MGMT: variants seen among roughly 807,000 people sequenced by gnomAD.
MGMT encodes O-6-methylguanine-DNA methyltransferase, also known as methylated-DNA--protein-cysteine methyltransferase.
Under a neutral mutation model 15.9 loss-of-function variants are expected in MGMT, and 14 were observed. The ratio of observed to expected loss-of-function variants is 0.88; its 90% CI spans 0.58 to 1.37. The LOEUF is 1.37. Ranked by LOEUF, MGMT falls within the 40% of genes most tolerant of loss-of-function variation. The probability of loss-of-function intolerance (pLI) is 0.00; values close to 1 mark genes in which losing one functional copy is unlikely to be tolerated. For missense variants in MGMT, 282 were observed against 268.1 expected (o/e 1.05, Z -0.36); for synonymous variants, 130 against 118.2 (o/e 1.10, Z -0.65).
chr10:129,739,441 G>GA (rs1374140340), intron 3 of MGMT, among the ~76,000 whole-genome samples: 1 of 151,984 alleles, frequency 6.6e-6, no homozygotes, highest in East Asian at 1.9e-4. Context: ...TTTTATTTTC[G>GA]AAAAAATTAC....
At chr10:129,541,094 A>C (rs1036754462) in intron 2 of MGMT, among the ~76,000 whole-genome samples, 2 of 152,206 alleles carry the variant, frequency 1.3e-5, no homozygotes, top group African/African-American at 2.4e-5. Flanking sequence ...GGCCTTCTTC[A>C]GTGACATTGC....
chr10:129,685,840 A>T (rs1027296309), intron 2 of MGMT, among the ~76,000 whole-genome samples: 3 of 152,218 alleles, frequency 2.0e-5, no homozygotes, highest in African/African-American at 7.2e-5. Flanking sequence ...GCATGCCCAC[A>T]TCTTCCTCTG....
chr10:129,646,912 T>A (rs563560743), intron 2 of MGMT, among the ~76,000 whole-genome samples: 5 of 151,142 alleles, frequency 3.3e-5, no homozygotes, highest in Non-Finnish European at 7.4e-5. Context: ...AGTGTGGGCA[T>A]GGCCGCCCCT....
At chr10:129,752,644 G>A (rs567166783) in intron 3 of MGMT, among the ~76,000 whole-genome samples, 1 of 151,848 alleles carries the variant, frequency 6.6e-6, no homozygotes, top group East Asian at 1.9e-4. Context: ...CTGTTTTAGG[G>A]ATTATAATAC....
At chr10:129,703,254 A>G (rs769130416) in intron 2 of MGMT, among the ~76,000 whole-genome samples, 2 of 152,230 alleles carry the variant, frequency 1.3e-5, no homozygotes, top group African/African-American at 4.8e-5. Context: ...GAATTTTACT[A>G]CTATAAAAAT....
intron 2 of MGMT, among the ~76,000 whole-genome samples, chr10:129,606,359 G>A (rs1443686294): frequency 2.0e-5 from 3 of 152,182 alleles, no homozygotes; most frequent in African/African-American, 4.8e-5. Flanking sequence ...GAGAGAACAC[G>A]GTTTGGGAGG....
intron 1 of MGMT, among the ~76,000 whole-genome samples, chr10:129,501,841 T>G (rs764047536): frequency 1.3e-5 from 2 of 152,176 alleles, no homozygotes; most frequent in Non-Finnish European, 2.9e-5. Context: ...TCAGTTCCCC[T>G]TTGCTGGATG....
chr10:129,707,692 G>A (rs1315955473), intron 2 of MGMT, among the ~76,000 whole-genome samples: 6 of 152,174 alleles, frequency 3.9e-5, no homozygotes, highest in Non-Finnish European at 5.9e-5. Flanking sequence ...CGTCCTGGGA[G>A]GCCTGAAGGT....
At chr10:129,545,026 T>C (rs2119776689) in intron 2 of MGMT, among the ~76,000 whole-genome samples, 1 of 152,290 alleles carries the variant, frequency 6.6e-6, no homozygotes, top group East Asian at 1.9e-4. Flanking sequence ...TCTGGCCTGG[T>C]GGGAGGAGGT....
Position 129,723,005 on chromosome 10 carries a change from C to CAAA in MGMT, c.274+14986_274+14988dup, listed in dbSNP as rs3039560. 1.9e-3 allele frequency among the ~76,000 whole-genome samples: 116 copies of CAAA among 60,274 alleles called. 7 individuals are homozygous for CAAA. The highest frequency in any genetic ancestry group is 6.7e-3 in the African/African-American group (101 of 15,016). 39.5% of individuals were successfully genotyped at this position (60,274 alleles called of 152,430 possible). A position where few individuals can be genotyped will look rare whatever the true frequency, so the allele number is the denominator to read the frequency against. On this transcript the variant is annotated intron_variant, in intron 3 of 4. Transcript: ENST00000651593. The stretch of plus-strand genomic sequence containing the variant: ...TGGGTGACAGAGGAAGACTCTATCA[C>CAAA]AAAAAAAAAAAAAAAAAAAAAAAAA...
intron 2 of MGMT, among the ~76,000 whole-genome samples, chr10:129,658,651 G>A (rs1445522798): frequency 6.6e-6 from 1 of 152,204 alleles, no homozygotes; most frequent in Non-Finnish European, 1.5e-5. Context: ...GTTCTGCAGT[G>A]ATTTGACATG....
chr10:129,608,722 G>A (rs187879971), intron 2 of MGMT, among the ~76,000 whole-genome samples: 88 of 152,110 alleles, frequency 5.8e-4, no homozygotes, highest in African/African-American at 2.0e-3. Flanking sequence ...TACAATAATT[G>A]TCTCAGCTGC....
At chr10:129,705,524 G>A (rs1465477997) in intron 2 of MGMT, among the ~76,000 whole-genome samples, 1 of 152,224 alleles carries the variant, frequency 6.6e-6, no homozygotes, top group African/African-American at 2.4e-5. Context: ...TAAGGAAGGT[G>A]TTCGGCTTCC....
intron 1 of MGMT, among the ~76,000 whole-genome samples, chr10:129,522,914 T>C (rs977635886): frequency 6.6e-6 from 1 of 152,256 alleles, no homozygotes; most frequent in Admixed American, 6.5e-5. Flanking sequence ...CAGATCTTCT[T>C]GTGTTCGCAC....
intron 1 of MGMT, among the ~76,000 whole-genome samples, chr10:129,529,139 A>G (rs1845902777): frequency 6.6e-6 from 1 of 151,142 alleles, no homozygotes; most frequent in Non-Finnish European, 1.5e-5. Context: ...GAGGCTGTGA[A>G]GCGAGAGCGA....
intron 2 of MGMT, among the ~76,000 whole-genome samples, chr10:129,601,638 A>G (rs536691963): frequency 1.3e-5 from 2 of 152,320 alleles, no homozygotes; most frequent in Admixed American, 1.3e-4. Flanking sequence ...AAATCCAACC[A>G]TGGGAGCTAG....
intron 2 of MGMT, among the ~76,000 whole-genome samples, chr10:129,575,939 A>C (rs1006034807): frequency 1.3e-5 from 2 of 152,214 alleles, no homozygotes; most frequent in African/African-American, 4.8e-5. Context: ...ATCTAGAAGA[A>C]ATGGATAAAT....
rs368814074 is a variant in MGMT, at chr10:129,482,162, G to A, written c.-13+14866G>A. Among the ~76,000 whole-genome samples the A allele has an allele frequency of 2.2e-4, 33 of 152,202 alleles. 1 individual carries two copies. The South Asian group carries it at 2.3e-3, about 11-fold the overall frequency. On this transcript the variant is annotated intron_variant, in intron 1 of 4. Transcript: ENST00000651593. ...TTGTGGTTTCTTCTTTAATGCTTGG[G>A]TTATTTATTAGTACATCATTTAATT...
intron 2 of MGMT, among the ~76,000 whole-genome samples, chr10:129,546,046 G>A (rs568945305): frequency 1.3e-5 from 2 of 152,356 alleles, no homozygotes; most frequent in Admixed American, 6.5e-5. Flanking sequence ...TACAAGTGAC[G>A]GAAGTGGGTC....
Sources: gnomAD v4.1 joint callset for allele counts (sites outside exome capture counted in the v4.1 genomes callset) on GRCh38, gnomAD v4.1.1 for gene constraint, MANE v1.5 for transcripts, NCBI Gene and HGNC (gene_info 2026-07-23, HGNC 2026-07-21) for gene names.